Variants in MEIS1 observed in about 807,000 individuals in gnomAD.
MEIS1 encodes Meis homeobox 1, also known as homeobox protein Meis1.
Under a neutral mutation model 50.8 loss-of-function variants are expected in MEIS1, and 5 were observed. The ratio of observed to expected loss-of-function variants is 0.10; its 90% CI spans 0.05 to 0.21. The LOEUF (loss-of-function observed/expected upper bound fraction) is 0.21, where lower values mean the gene tolerates loss of function less well. Among genes scored for constraint, MEIS1 ranks in the 10% least tolerant of loss-of-function variants. The pLI, the probability that MEIS1 is intolerant of heterozygous loss-of-function variation, is 1.00. For synonymous variants in MEIS1, 176 were observed against 179.3 expected, an observed-to-expected ratio of 0.98 and a Z score of 0.15; for missense variants, 318 against 517.3, an observed-to-expected ratio of 0.61 and a Z score of 3.74.
intron 7 of MEIS1, among the ~76,000 whole-genome samples, chr2:66,474,236 C>T (rs549364903): frequency 1.1e-3 from 175 of 152,232 alleles, no homozygotes; most frequent in African/African-American, 4.1e-3. Flanking sequence ...ACCCTCTGCC[C>T]CGCAGTGAGC....
At chr2:66,526,758 C>T (rs1314370408) in intron 8 of MEIS1, among the ~76,000 whole-genome samples, 1 of 152,138 alleles carries the variant, frequency 6.6e-6, no homozygotes, top group East Asian at 1.9e-4. Flanking sequence ...ATTGCTTAAC[C>T]ATTGTCAAAC....
At chr2:66,465,502 T>C (rs1318254265) in intron 7 of MEIS1, among the ~76,000 whole-genome samples, 1 of 152,154 alleles carries the variant, frequency 6.6e-6, no homozygotes, top group Non-Finnish European at 1.5e-5. Flanking sequence ...GTGCTATAGT[T>C]AAGGTGGTGT....
intron 2 of MEIS1, chr2:66,439,413 C>T: frequency 8.0e-7 from 1 of 1,256,024 alleles, no homozygotes; most frequent in Non-Finnish European, 1.0e-6. Flanking sequence ...TTCGCGCGGC[C>T]GCCTAGGAGG....
intron 8 of MEIS1, among the ~76,000 whole-genome samples, chr2:66,531,555 C>T (rs765514248): frequency 4.6e-5 from 7 of 152,200 alleles, no homozygotes; most frequent in Non-Finnish European, 1.0e-4. Context: ...AACCAACTCC[C>T]TGGTAGCTGG....
intron 7 of MEIS1, among the ~76,000 whole-genome samples, chr2:66,493,764 G>A (rs555120187): frequency 7.9e-5 from 12 of 152,092 alleles, no homozygotes; most frequent in East Asian, 1.9e-4. Flanking sequence ...GCCCACTATC[G>A]TATGTTCTCT....
chr2:66,533,551 C>A, intron 8 of MEIS1, among the ~76,000 whole-genome samples: 1 of 152,186 alleles, frequency 6.6e-6, no homozygotes, highest in South Asian at 2.1e-4. Context: ...AAGTTAGAAT[C>A]TAGTAATTAT....
intron 8 of MEIS1, among the ~76,000 whole-genome samples, chr2:66,533,788 C>G (rs1009648905): frequency 6.6e-6 from 1 of 152,106 alleles, no homozygotes; most frequent in African/African-American, 2.4e-5. Context: ...TGTGGGGGTC[C>G]CTGTGTCACT....
intron 7 of MEIS1, among the ~76,000 whole-genome samples, chr2:66,484,734 AT>A (rs1673097865): frequency 6.7e-6 from 1 of 150,068 alleles, no homozygotes; most frequent in African/African-American, 2.5e-5. Flanking sequence ...AATTTTTTTT[AT>A]TTTTGGTAGA....
chr2:66,448,880 A>G (rs2103706715), intron 6 of MEIS1, among the ~76,000 whole-genome samples: 1 of 152,298 alleles, frequency 6.6e-6, no homozygotes, highest in South Asian at 2.1e-4. Flanking sequence ...GTTGAAGGAT[A>G]GTAAACTGAT....
chr2:66,547,456 A>G (rs1674818202), intron 8 of MEIS1, among the ~76,000 whole-genome samples: 1 of 151,900 alleles, frequency 6.6e-6, no homozygotes. Context: ...GTTTAATAGC[A>G]CCCACTTTAG....
At chr2:66,441,563 T>TATGCAAATGTATCA in intron 5 of MEIS1, 99 bp downstream of exon 5, 1 of 948,542 alleles carries the variant, frequency 1.1e-6, no homozygotes, top group Non-Finnish European at 1.5e-6. Flanking sequence ...CTGATACATT[T>TATGCAAATGTATCA]GCATAAATGT....
At chr2:66,480,120 T>C (rs1672982976) in intron 7 of MEIS1, among the ~76,000 whole-genome samples, 1 of 152,178 alleles carries the variant, frequency 6.6e-6, no homozygotes, top group Admixed American at 6.5e-5. Flanking sequence ...ATTCAAATGC[T>C]CATAGAATAG....
intron 9 of MEIS1, among the ~76,000 whole-genome samples, chr2:66,556,609 A>G (rs978877277): frequency 6.6e-6 from 1 of 152,092 alleles, no homozygotes; most frequent in Non-Finnish European, 1.5e-5. Context: ...TAGGATGCTA[A>G]CTAAATCAAA....
intron 6 of MEIS1, among the ~76,000 whole-genome samples, chr2:66,456,453 A>G (rs1294588271): frequency 2.6e-5 from 4 of 152,200 alleles, no homozygotes; most frequent in Non-Finnish European, 5.9e-5. Context: ...ACAATGGCAA[A>G]TATGACAGGG....
At position 66,525,395 on chromosome 2, in the gene MEIS1, CA is replaced by C. The variant is rs1488558897; in HGVS notation, c.888+13102del. Among the ~76,000 whole-genome samples the C allele has an allele frequency of 3.3e-5, 5 of 152,270 alleles. No individual in the cohort carries two copies. The East Asian group carries it at 9.7e-4, about 29-fold the overall frequency. On this transcript the variant is annotated intron_variant, in intron 8 of 12. Transcript: ENST00000272369. ...GCTGGTGCTGCTGGTCCACAGACTG[CA>C]GCTTGCATAGAAAGGATCTAAGGTA...
intron 9 of MEIS1, among the ~76,000 whole-genome samples, chr2:66,559,524 A>G (rs1485788567): frequency 6.6e-6 from 1 of 152,194 alleles, no homozygotes; most frequent in East Asian, 1.9e-4. Flanking sequence ...ACTTCTTGTG[A>G]ATATGGAAAA....
chr2:66,495,436 AG>A (rs1476072670), intron 7 of MEIS1, among the ~76,000 whole-genome samples: 1 of 152,278 alleles, frequency 6.6e-6, no homozygotes, highest in African/African-American at 2.4e-5. Flanking sequence ...CCATTACAGG[AG>A]GGGGAACTTA....
intron 8 of MEIS1, among the ~76,000 whole-genome samples, chr2:66,520,726 T>C (rs1425120347): frequency 1.3e-5 from 2 of 152,238 alleles, no homozygotes; most frequent in African/African-American, 4.8e-5. Context: ...TGTAGTGCTT[T>C]ATTGTTTAAT....
chr2:66,541,473 T>C (rs1163770935), intron 8 of MEIS1, among the ~76,000 whole-genome samples: 1 of 152,224 alleles, frequency 6.6e-6, no homozygotes, highest in East Asian at 1.9e-4. Flanking sequence ...CTTCCACACC[T>C]ATGTCATTTT....
Sources: gnomAD v4.1 joint callset for allele counts (sites outside exome capture counted in the v4.1 genomes callset) on GRCh38, gnomAD v4.1.1 for gene constraint, MANE v1.5 for transcripts, NCBI Gene and HGNC (gene_info 2026-07-23, HGNC 2026-07-21) for gene names.